The following FBXW11 variants were observed in gnomAD, a reference collection of about 807,000 sequenced individuals.
FBXW11 encodes F-box/WD repeat-containing protein 11.
Under a neutral mutation model 77.6 loss-of-function variants are expected in FBXW11, and 19 were observed. The observed-to-expected ratio is 0.24, with a 90% CI of 0.17 to 0.36. The LOEUF (loss-of-function observed/expected upper bound fraction) is 0.36. Ranked by LOEUF, FBXW11 falls within the 10% of genes least tolerant of loss-of-function variation. The pLI, the probability that FBXW11 is intolerant of heterozygous loss-of-function variation, is 1.00. For synonymous variants in FBXW11, 235 were observed against 249.4 expected, an observed-to-expected ratio of 0.94 and a Z score of 0.54; for missense variants, 334 against 704.2, an observed-to-expected ratio of 0.47 and a Z score of 5.95.
rs532499276 is a variant in FBXW11 at position 171,974,457 on chromosome 5, T to TAC, written c.46-16761_46-16760dup. Reference sequence around the variant, plus strand: ...CTCAAAAAAAAGAAAAAAAAAAAAATACACACACACACACATATATACAGG... The same window carrying TAC: ...CTCAAAAAAAAGAAAAAAAAAAAAATACACACACACACACACATATATACAGG... On this transcript the variant is annotated intron_variant, in intron 1 of 13. Coordinates refer to ENST00000517395, the MANE Select transcript of FBXW11 (RefSeq NM_001378974.1). Among the ~76,000 whole-genome samples the TAC allele has an allele frequency of 6.2e-4, 90 of 145,606 alleles. No homozygotes were observed. The East Asian group carries it at 7.1e-3, about 11-fold the overall frequency.
At chr5:171,981,369 A>T (rs536834735) in intron 1 of FBXW11, among the ~76,000 whole-genome samples, 2 of 152,298 alleles carry the variant, frequency 1.3e-5, no homozygotes, top group Admixed American at 1.3e-4. Flanking sequence ...TATTTCCCTG[A>T]GTTCTGTGAG....
intron 2 of FBXW11, among the ~76,000 whole-genome samples, chr5:171,952,522 G>A (rs147919657): frequency 0.032 from 4,179 of 129,226 alleles, 126 homozygotes; most frequent in Non-Finnish European, 0.047. Context: ...GTACAATCTC[G>A]GCTCACTGCA....
At chr5:171,874,982 C>CTAAG (rs1757984270) in intron 9 of FBXW11, among the ~76,000 whole-genome samples, 1 of 151,880 alleles carries the variant, frequency 6.6e-6, no homozygotes, top group African/African-American at 2.4e-5. Context: ...AGTTACCATC[C>CTAAG]TAAGAAAATT....
At chr5:172,004,105 T>G (rs991496548) in intron 1 of FBXW11, among the ~76,000 whole-genome samples, 5 of 152,224 alleles carry the variant, frequency 3.3e-5, no homozygotes, top group Non-Finnish European at 7.3e-5. Context: ...TTCTGGAAAC[T>G]GTAATTGAAA....
chr5:171,959,709 G>A lies in FBXW11; in HGVS notation c.46-2011C>T, dbSNP rs183543227. 3.3e-3 allele frequency among the ~76,000 whole-genome samples: 496 copies of A among 151,914 alleles called. 1 individual carries two copies. Among genetic ancestry groups the A allele is most frequent in the African/African-American group, 0.011 (473 of 41,450 alleles). ...CTAAAAACACAAAAATTAGCCAGGC[G>A]TGTGGTGGCACACACCTGTAATCCC... is the stretch of plus-strand genomic sequence containing the variant. On this transcript the variant is annotated intron_variant, in intron 1 of 13. Transcript: ENST00000517395.
At chr5:171,894,411 GT>G (rs1239480177) in intron 6 of FBXW11, among the ~76,000 whole-genome samples, 2 of 152,218 alleles carry the variant, frequency 1.3e-5, no homozygotes, top group African/African-American at 4.8e-5. Flanking sequence ...AATTCTTGAT[GT>G]GTCATTTTAC....
intron 1 of FBXW11, among the ~76,000 whole-genome samples, chr5:171,990,992 A>T (rs1170317367): frequency 6.6e-6 from 1 of 151,792 alleles, no homozygotes; most frequent in Non-Finnish European, 1.5e-5. Context: ...CGCTTGGCTA[A>T]TTTTCGTATT....
At chr5:172,004,866 T>TGC (rs1554112088) in intron 1 of FBXW11, among the ~76,000 whole-genome samples, 118 of 77,642 alleles carry the variant, frequency 1.5e-3, no homozygotes, top group South Asian at 7.4e-3. Context: ...CAACCCCACG[T>TGC]GCACACACAC....
chr5:171,954,108 A>T (rs1424593450), intron 2 of FBXW11, among the ~76,000 whole-genome samples: 1 of 152,226 alleles, frequency 6.6e-6, no homozygotes. Context: ...GCTGCAAATG[A>T]CATTCCCAAG....
chr5:171,867,491 T>TA (rs10671329), intron 13 of FBXW11, among the ~76,000 whole-genome samples: 12,072 of 137,818 alleles, frequency 0.088, 1,628 homozygotes, highest in African/African-American at 0.29. Flanking sequence ...AGAGACTAAT[T>TA]AAAAAAAAAA....
chr5:171,977,107 A>G (rs1764873618), intron 1 of FBXW11, among the ~76,000 whole-genome samples: 1 of 151,960 alleles, frequency 6.6e-6, no homozygotes, highest in Admixed American at 6.6e-5. Flanking sequence ...TAGGAGGATG[A>G]GACAGGAAGA....
chr5:171,866,205 C>T (rs1314912301), intron 13 of FBXW11, among the ~76,000 whole-genome samples: 1 of 150,676 alleles, frequency 6.6e-6, no homozygotes, highest in Admixed American at 6.6e-5. Flanking sequence ...GCGGAGGTTG[C>T]AGTGAGCCAA....
intron 1 of FBXW11, among the ~76,000 whole-genome samples, chr5:171,963,014 T>G (rs745904917): frequency 1.3e-5 from 2 of 152,188 alleles, no homozygotes; most frequent in Admixed American, 6.5e-5. Context: ...ATTACCAGCT[T>G]CTTCTCACTC....
chr5:171,936,079 C>G (rs1762462085), intron 2 of FBXW11, among the ~76,000 whole-genome samples: 1 of 138,792 alleles, frequency 7.2e-6, no homozygotes, highest in African/African-American at 2.7e-5. Flanking sequence ...CCACTGCACT[C>G]TAGCCTGGGC....
intron 1 of FBXW11, among the ~76,000 whole-genome samples, chr5:171,967,090 GATTT>G (rs767441942): frequency 7.9e-5 from 12 of 152,080 alleles, no homozygotes; most frequent in Non-Finnish European, 1.6e-4. Context: ...AAGTTTCCCT[GATTT>G]ATTTTCAAAT....
At position 171,868,674 on chromosome 5, in the gene FBXW11, G is replaced by A. The variant is rs745356602; in HGVS notation, c.1653C>T (p.Thr551=). 6.2e-7 allele frequency: 1 copy of A among 1,613,696 alleles called. No homozygotes were observed. The highest frequency in any genetic ancestry group is 1.1e-5 in the South Asian group (1 of 91,048). ...LNVPPSAQNE[T]RSPSRTYTYI... ...AAGTGTATGTTCTGGAGGGAGAACG[G>A]GTCTCATTCTGGGCACTGGGAGGCA... Residue 551 remains threonine, a synonymous_variant, in exon 13 of 14, where the codon ACC becomes ACT. Coordinates refer to ENST00000517395, the MANE Select transcript of FBXW11 (RefSeq NM_001378974.1).
intron 1 of FBXW11, among the ~76,000 whole-genome samples, chr5:171,995,923 GAGTC>G (rs1190057401): frequency 6.6e-6 from 1 of 152,164 alleles, no homozygotes; most frequent in African/African-American, 2.4e-5. Flanking sequence ...AAGACAGAAA[GAGTC>G]AGAGCTTTGA....
chr5:171,921,026 T>C (rs1043530382), intron 2 of FBXW11, among the ~76,000 whole-genome samples: 3 of 152,200 alleles, frequency 2.0e-5, no homozygotes, highest in African/African-American at 7.2e-5. Context: ...TCAAGATGTT[T>C]TCATCAACTG....
chr5:171,961,474 C>T (rs1581032796), intron 1 of FBXW11, among the ~76,000 whole-genome samples: 1 of 152,274 alleles, frequency 6.6e-6, no homozygotes, highest in Middle Eastern at 3.4e-3. Flanking sequence ...ATACACCCAC[C>T]TTTTAGTAAG....
Sources: gnomAD v4.1 joint callset for allele counts (sites outside exome capture counted in the v4.1 genomes callset) on GRCh38, gnomAD v4.1.1 for gene constraint, MANE v1.5 for transcripts, NCBI Gene and HGNC (gene_info 2026-07-23, HGNC 2026-07-21) for gene names.